The following GABBR2 variants were observed in gnomAD, a reference collection of about 807,000 sequenced individuals.
The protein encoded by GABBR2 is gamma-aminobutyric acid type B receptor subunit 2, also known as G-protein coupled receptor 51.
In GABBR2, 23 loss-of-function variants were observed where a neutral mutation model predicts 105.6. The ratio of observed to expected loss-of-function variants is 0.22; its 90% CI spans 0.16 to 0.31. The LOEUF is 0.31. GABBR2 is among the 10% of genes least tolerant of loss of function. GABBR2 has a pLI of 1.00. For missense variants in GABBR2, 734 were observed against 1,245.5 expected (o/e 0.59, Z 6.18); for synonymous variants, 478 against 499.7 (o/e 0.96, Z 0.58).
At chr9:98,403,753 A>G (rs1312970093) in intron 8 of GABBR2, among the ~76,000 whole-genome samples, 1 of 144,058 alleles carries the variant, frequency 6.9e-6, no homozygotes, top group Non-Finnish European at 1.5e-5. Flanking sequence ...TGAGAAAAAA[A>G]AAAATATATA....
In GABBR2 at chr9:98,288,213, T is replaced by C. The variant is rs558696044; in HGVS notation, c.*2371A>G. On this transcript the variant is annotated 3_prime_UTR_variant, in exon 19 of 19. Transcript: ENST00000259455. ...TGATTCTGGCAGTTCCAGTCTAATT[T>C]AAAGCGTTTTGTGCACTAACATCAT... 2.2e-4 allele frequency: 34 copies of C among 152,760 alleles called. No individual in the cohort carries two copies. Among genetic ancestry groups the C allele is most frequent in the African/African-American group, 6.5e-4 (27 of 41,576 alleles). The allele number at this position is 152,760 out of a possible 1,614,324, so 9.5% of individuals were successfully genotyped here.
At chr9:98,515,140 T>G (rs960277285) in intron 3 of GABBR2, among the ~76,000 whole-genome samples, 2 of 152,052 alleles carry the variant, frequency 1.3e-5, no homozygotes, top group African/African-American at 4.8e-5. Context: ...CAGAGGTGGG[T>G]TGCACAGGCT....
At chr9:98,348,674 A>ATT (rs555878894) in intron 13 of GABBR2, among the ~76,000 whole-genome samples, 1 of 152,022 alleles carries the variant, frequency 6.6e-6, no homozygotes, top group South Asian at 2.1e-4. Flanking sequence ...ATTCCTAGAC[A>ATT]TTTTTTGTAG....
chr9:98,503,019 C>A (rs982933698), intron 3 of GABBR2, among the ~76,000 whole-genome samples: 4 of 152,194 alleles, frequency 2.6e-5, no homozygotes, highest in Admixed American at 1.3e-4. Context: ...TGTTCACTGT[C>A]CTGGATCTCT....
intron 1 of GABBR2, among the ~76,000 whole-genome samples, chr9:98,649,181 T>C (rs1024098085): frequency 1.1e-4 from 17 of 152,190 alleles, no homozygotes; most frequent in Non-Finnish European, 2.2e-4. Context: ...TCTAACTGAT[T>C]TAACTCACCA....
chr9:98,440,350 T>C (rs1826008789), intron 7 of GABBR2, among the ~76,000 whole-genome samples: 1 of 152,202 alleles, frequency 6.6e-6, no homozygotes. Flanking sequence ...GAAACTGAGA[T>C]GAAGAGAGAT....
chr9:98,583,462 G>A lies in GABBR2; in HGVS notation c.322-5390C>T, dbSNP rs149747878. Among the ~76,000 whole-genome samples, 148 of 152,334 alleles carry A rather than the reference G, an allele frequency of 9.7e-4. 1 individual carries two copies. Among genetic ancestry groups the A allele is most frequent in the Middle Eastern group, 6.8e-3 (2 of 294 alleles). On this transcript the variant is annotated intron_variant, in intron 1 of 18. Coordinates refer to ENST00000259455, the MANE Select transcript of GABBR2 (RefSeq NM_005458.8). ...AGCTCCTCTCCCAACTGCCTCAGCT[G>A]CAGCATCAGAGCTCCACAGAACACT...
chr9:98,684,956 A>G (rs1465853184), intron 1 of GABBR2, among the ~76,000 whole-genome samples: 4 of 152,194 alleles, frequency 2.6e-5, no homozygotes, highest in Admixed American at 2.0e-4. Flanking sequence ...TTGAGTGTCA[A>G]CTTGATTGGA....
rs748118764 is a variant in GABBR2, at chr9:98,303,448, G to T, written c.2230-25C>A. On this transcript the variant is annotated intron_variant, in intron 15 of 18. Coordinates refer to ENST00000259455, the MANE Select transcript of GABBR2 (RefSeq NM_005458.8). ...GCTGAAAGGACAAAGGTTGGGGCGG[G>T]GTTGAAGAGAGAGCCTTGAGTCCTT... 4.4e-6 allele frequency: 7 copies of T among 1,606,294 alleles called. No homozygotes were observed. In the African/African-American group the frequency reaches 9.4e-5, roughly 21 times the overall value.
At position 98,299,357 on chromosome 9, in the gene GABBR2, C is replaced by T; in HGVS notation, c.2413-4G>A. ...CCTCTTCCAAGTCTTTATCCAGCTA[C>T]AAGACAAAGGTTCCAGTTGAGTCAG... On this transcript the variant is annotated splice_polypyrimidine_tract_variant and splice_region_variant and intron_variant, in intron 16 of 18. Coordinates refer to ENST00000259455, the MANE Select transcript of GABBR2 (RefSeq NM_005458.8). The T allele has an allele frequency of 2.5e-6, 4 of 1,613,788 alleles. No individual in the cohort carries two copies. The highest frequency in any genetic ancestry group is 3.4e-6 in the Non-Finnish European group (4 of 1,179,924).
intron 1 of GABBR2, among the ~76,000 whole-genome samples, chr9:98,679,944 A>G (rs1418540157): frequency 6.6e-6 from 1 of 152,220 alleles, no homozygotes; most frequent in Non-Finnish European, 1.5e-5. Flanking sequence ...ATAAAAATAC[A>G]CAAGTTTACC....
At chr9:98,707,865 C>A (rs143225379) in intron 1 of GABBR2, among the ~76,000 whole-genome samples, 1 of 152,242 alleles carries the variant, frequency 6.6e-6, no homozygotes, top group Non-Finnish European at 1.5e-5. Flanking sequence ...GGAGCGGGCT[C>A]AGAGCTGCTG....
At chr9:98,358,487 G>T (rs7036388) in intron 13 of GABBR2, among the ~76,000 whole-genome samples, 1 of 152,144 alleles carries the variant, frequency 6.6e-6, no homozygotes, top group Admixed American at 6.5e-5. Context: ...CCAGACTGGC[G>T]TCCCTCCTCG....
intron 1 of GABBR2, among the ~76,000 whole-genome samples, chr9:98,586,760 G>A (rs180699729): frequency 2.4e-4 from 36 of 152,246 alleles, no homozygotes; most frequent in East Asian, 9.6e-4. Flanking sequence ...GATTTTTGCC[G>A]CTGAATATAG....
intron 1 of GABBR2, among the ~76,000 whole-genome samples, chr9:98,680,375 G>A (rs182906448): frequency 3.3e-5 from 5 of 151,920 alleles, no homozygotes; most frequent in African/African-American, 9.7e-5. Context: ...GCACGATCTC[G>A]GCTCACTGCA....
intron 2 of GABBR2, among the ~76,000 whole-genome samples, chr9:98,576,182 C>T (rs1828905020): frequency 6.6e-6 from 1 of 152,232 alleles, no homozygotes; most frequent in African/African-American, 2.4e-5. Flanking sequence ...TCAGCCAGTG[C>T]AAGTGGAATG....
intron 13 of GABBR2, among the ~76,000 whole-genome samples, chr9:98,317,544 G>A (rs1830739494): frequency 6.6e-6 from 1 of 152,190 alleles, no homozygotes; most frequent in South Asian, 2.1e-4. Context: ...CCCTTTTCTA[G>A]ACCTCAGTTT....
chr9:98,428,302 C>T (rs1180489771), intron 7 of GABBR2, among the ~76,000 whole-genome samples: 2 of 152,120 alleles, frequency 1.3e-5, no homozygotes, highest in African/African-American at 4.8e-5. Flanking sequence ...GGAGATTCAA[C>T]AAAGTGGGAG....
At chr9:98,406,017 C>T (rs1421292234) in intron 8 of GABBR2, 64 bp downstream of exon 8, 6 of 903,186 alleles carry the variant, frequency 6.6e-6, no homozygotes, top group South Asian at 1.3e-5. Context: ...TATTATATTG[C>T]ATAAAACAAC....
Sources: allele counts gnomAD v4.1 joint callset (sites outside exome capture counted in the v4.1 genomes callset), GRCh38; gene constraint gnomAD v4.1.1; transcripts MANE v1.5; gene names NCBI Gene and HGNC (gene_info 2026-07-23, HGNC 2026-07-21).